The following ALPK2 variants were observed in gnomAD, a reference collection of about 807,000 sequenced individuals.
ALPK2 encodes alpha-protein kinase 2.
Under a neutral mutation model 163.1 loss-of-function variants are expected in ALPK2, and 127 were observed. The ratio of observed to expected loss-of-function variants is 0.78; its 90% CI spans 0.67 to 0.90. ALPK2 has a LOEUF of 0.90. ALPK2 is among the 40% of genes least tolerant of loss of function. ALPK2 has a pLI of 0.00. For missense variants in ALPK2, 2,360 were observed against 2,589.6 expected (o/e 0.91, Z 1.92); for synonymous variants, 953 against 959.1 (o/e 0.99, Z 0.12).
chr18:58,622,386 G>A (rs755106312), intron 1 of ALPK2, among the ~76,000 whole-genome samples: 13 of 152,116 alleles, frequency 8.5e-5, no homozygotes, highest in Admixed American at 2.0e-4. Flanking sequence ...AAACCTGTGT[G>A]AGAGTTTAGT....
rs576663317 is a variant in ALPK2 at position 58,596,516 on chromosome 18, G to T, written c.227+10806C>A. Among the ~76,000 whole-genome samples the T allele has an allele frequency of 6.6e-5, 10 of 152,360 alleles. No individual in the cohort carries two copies. In the East Asian group the frequency reaches 1.7e-3, roughly 26 times the overall value. On this transcript the variant is annotated intron_variant, in intron 3 of 12. Transcript: ENST00000361673. ...GCAGCCGCCGCAGGGAATGGGAAGT[G>T]ACAAGGACAGAAAGGGAGCAGTCAC...
chr18:58,503,811 T>A, intron 11 of ALPK2, 120 bp downstream of exon 11: 1 of 841,216 alleles, frequency 1.2e-6, no homozygotes, highest in Middle Eastern at 3.7e-4. Context: ...CTTCTGCAGG[T>A]AAAGGTGTTT....
intron 4 of ALPK2, among the ~76,000 whole-genome samples, chr18:58,567,633 A>G (rs1311526635): frequency 6.6e-6 from 1 of 152,180 alleles, no homozygotes; most frequent in Non-Finnish European, 1.5e-5. Context: ...CTACAAGAGA[A>G]TGATGTCAGT....
chr18:58,609,892 G>T (rs1321147014), intron 2 of ALPK2, among the ~76,000 whole-genome samples: 1 of 152,174 alleles, frequency 6.6e-6, no homozygotes, highest in East Asian at 1.9e-4. Flanking sequence ...GCACTGTTCT[G>T]TCTGTCTGAA....
At position 58,542,814 on chromosome 18, in the gene ALPK2, G is replaced by A. The variant is rs1048695025; in HGVS notation, c.1963-4590C>T. ...AGGTGGTCAGCATGCAGTGGCGTGG[G>A]TGTGCAGGGGAGTCTGGGCATGGGT... is the stretch of plus-strand genomic sequence containing the variant. On this transcript the variant is annotated intron_variant, in intron 4 of 12. Coordinates refer to ENST00000361673, the MANE Select transcript of ALPK2 (RefSeq NM_052947.4). Among the ~76,000 whole-genome samples, 8 of 152,306 alleles carry A rather than the reference G, an allele frequency of 5.3e-5. 1 individual carries two copies. The highest frequency in any genetic ancestry group is 5.2e-4 in the Admixed American group (8 of 15,302).
At position 58,536,317 on chromosome 18, in the gene ALPK2, G is replaced by A. The variant is rs747488835; in HGVS notation, c.3870C>T (p.Pro1290=). ...TGTGAGCCAATGCTGCTATTTCAGA[G>A]GGGGCCAATTCAGGCACAACAGCAT... ...KADAVVPELA[P]SEIAALAHSP... Residue 1290 remains proline, a synonymous_variant, in exon 5 of 13, where the codon CCC becomes CCT. Transcript: ENST00000361673. The A allele has an allele frequency of 2.5e-6, 4 of 1,614,112 alleles. No homozygotes were observed. Among genetic ancestry groups the A allele is most frequent in the Admixed American group, 1.7e-5 (1 of 60,012 alleles).
intron 2 of ALPK2, among the ~76,000 whole-genome samples, chr18:58,610,555 T>C (rs896731542): frequency 1.3e-5 from 2 of 152,258 alleles, no homozygotes; most frequent in African/African-American, 4.8e-5. Context: ...TTTTCTCCAC[T>C]GGTCACCCAT....
chr18:58,509,344 C>A (rs1388801919), intron 10 of ALPK2, among the ~76,000 whole-genome samples: 2 of 151,906 alleles, frequency 1.3e-5, no homozygotes, highest in South Asian at 2.1e-4. Context: ...CAATAAACAT[C>A]CGTGTGCATG....
chr18:58,526,277 G>T (rs548698304), intron 6 of ALPK2, among the ~76,000 whole-genome samples: 1 of 152,150 alleles, frequency 6.6e-6, no homozygotes, highest in East Asian at 1.9e-4. Context: ...TGCAGGGAGA[G>T]GGTACTTAGC....
intron 6 of ALPK2, among the ~76,000 whole-genome samples, chr18:58,527,423 A>T (rs1297031265): frequency 6.6e-6 from 1 of 152,242 alleles, no homozygotes; most frequent in Non-Finnish European, 1.5e-5. Context: ...TGAAGCAAAC[A>T]TCACTAGGAA....
At chr18:58,526,306 G>A (rs2051584727) in intron 6 of ALPK2, among the ~76,000 whole-genome samples, 1 of 152,180 alleles carries the variant, frequency 6.6e-6, no homozygotes, top group African/African-American at 2.4e-5. Flanking sequence ...TTCTCTGAGA[G>A]ATCCCATCAT....
intron 3 of ALPK2, among the ~76,000 whole-genome samples, chr18:58,590,836 G>T (rs9959883): frequency 1.8e-3 from 273 of 152,232 alleles, no homozygotes; most frequent in African/African-American, 6.4e-3. Context: ...GAGCCGAAAC[G>T]GACCTCAGAG....
intron 4 of ALPK2, among the ~76,000 whole-genome samples, chr18:58,540,454 A>G (rs1300566746): frequency 2.0e-5 from 3 of 152,164 alleles, no homozygotes; most frequent in Non-Finnish European, 2.9e-5. Flanking sequence ...GGGATAAGGT[A>G]TTTTTTTAAA....
At chr18:58,592,267 AC>A (rs67679793) in intron 3 of ALPK2, among the ~76,000 whole-genome samples, 42,614 of 151,890 alleles carry the variant, frequency 0.28, 6,596 homozygotes, top group East Asian at 0.59. Context: ...CAGGGATGAG[AC>A]TTTTGGGTAT....
In ALPK2 at chr18:58,579,909, G is replaced by A. The variant is rs773028180; in HGVS notation, c.867C>T (p.Ala289=). The change falls in exon 4 of 13, where the codon GCC becomes GCT. Residue 289 remains alanine (A), a synonymous_variant. Coordinates refer to ENST00000361673, the MANE Select transcript of ALPK2 (RefSeq NM_052947.4). ...GTGGGCTGGGTTGTTTGTTGGCCACGGCACTGTCACCTGGGTAAATGTGTG... is the reference window on the plus strand; with the variant it reads ...GTGGGCTGGGTTGTTTGTTGGCCACAGCACTGTCACCTGGGTAAATGTGTG... ...ATAHIYPGDS[A]VANKQPSPQL... is the part of the protein sequence containing the mutation. The A allele has an allele frequency of 1.4e-5, 23 of 1,614,034 alleles. No individual in the cohort carries two copies. Among genetic ancestry groups the A allele is most frequent in the Admixed American group, 1.0e-4 (6 of 60,008 alleles).
At chr18:58,524,386 G>A (rs1157489056) in intron 6 of ALPK2, among the ~76,000 whole-genome samples, 1 of 152,192 alleles carries the variant, frequency 6.6e-6, no homozygotes, top group Admixed American at 6.5e-5. Flanking sequence ...ACTAATCCGG[G>A]TGTCCTGTGC....
chr18:58,488,333 T>C (rs901857229), intron 12 of ALPK2, among the ~76,000 whole-genome samples: 3 of 149,988 alleles, frequency 2.0e-5, no homozygotes, highest in East Asian at 2.0e-4. Context: ...CAGGCTGATG[T>C]CTTGCTTAAG....
chr18:58,496,659 C>T (rs1046894257), intron 12 of ALPK2, among the ~76,000 whole-genome samples: 6 of 152,174 alleles, frequency 3.9e-5, no homozygotes, highest in African/African-American at 1.4e-4. Flanking sequence ...CCAGAAAGCT[C>T]CCACGGATAA....
At chr18:58,611,244 C>T (rs1414857180) in intron 2 of ALPK2, among the ~76,000 whole-genome samples, 1 of 150,710 alleles carries the variant, frequency 6.6e-6, no homozygotes, top group Non-Finnish European at 1.5e-5. Context: ...CACCACTGCA[C>T]TCCAGCCTGG....
Sources: allele counts gnomAD v4.1 joint callset (sites outside exome capture counted in the v4.1 genomes callset), GRCh38; gene constraint gnomAD v4.1.1; transcripts MANE v1.5; gene names NCBI Gene and HGNC (gene_info 2026-07-23, HGNC 2026-07-21).